The following ANKRD30B variants were observed in gnomAD, a reference collection of about 807,000 sequenced individuals.
The protein encoded by ANKRD30B is ankyrin repeat domain 30B.
In ANKRD30B, 144 loss-of-function variants were observed where a neutral mutation model predicts 202.2. That is an observed-to-expected ratio of 0.71 (90% CI 0.62 to 0.82). ANKRD30B has a LOEUF of 0.82. Among genes scored for constraint, ANKRD30B ranks in the 40% least tolerant of loss-of-function variants. ANKRD30B has a pLI of 0.00. For missense variants in ANKRD30B, 1,487 were observed against 1,669.1 expected (o/e 0.89, Z 1.90); for synonymous variants, 508 against 561.3 (o/e 0.91, Z 1.34).
intron 3 of ANKRD30B, among the ~76,000 whole-genome samples, chr18:14,753,989 T>G (rs1598560689): frequency 6.6e-6 from 1 of 152,254 alleles, no homozygotes; most frequent in East Asian, 1.9e-4. Context: ...TTTAAAGAAG[T>G]AGATATGCAT....
At chr18:14,875,820 C>T in the ANKRD30B span, among the ~76,000 whole-genome samples, 3 of 152,216 alleles carry the variant, frequency 2.0e-5, no homozygotes, top group Middle Eastern at 3.4e-3. Flanking sequence ...CACTATATAG[C>T]GGTGGTACCA....
the ANKRD30B span, among the ~76,000 whole-genome samples, chr18:14,932,633 G>A: frequency 2.6e-5 from 4 of 151,970 alleles, no homozygotes; most frequent in East Asian, 1.9e-4. Flanking sequence ...CCACCGCGCC[G>A]GCCTCCCCTA....
chr18:14,754,282 G>A (rs191672055), intron 3 of ANKRD30B, among the ~76,000 whole-genome samples: 3 of 152,166 alleles, frequency 2.0e-5, no homozygotes, highest in African/African-American at 4.8e-5. Context: ...CATTTTTCTT[G>A]GGAAGCTTTC....
chr18:14,916,587 CAGAG>C, the ANKRD30B span, among the ~76,000 whole-genome samples: 1 of 152,128 alleles, frequency 6.6e-6, no homozygotes, highest in Non-Finnish European at 1.5e-5. Context: ...CAGAAAATGA[CAGAG>C]AGAGTGTATG....
At chr18:14,789,571 G>A (rs899250524) in intron 15 of ANKRD30B, among the ~76,000 whole-genome samples, 2 of 152,128 alleles carry the variant, frequency 1.3e-5, no homozygotes, top group Middle Eastern at 3.2e-3. Flanking sequence ...TTTTGTATAA[G>A]GTGTAAGGAA....
the ANKRD30B span, among the ~76,000 whole-genome samples, chr18:14,913,335 G>A: frequency 6.6e-6 from 1 of 152,120 alleles, no homozygotes; most frequent in Admixed American, 6.6e-5. Flanking sequence ...GTGCACCTAA[G>A]GGCCAGAGAA....
At chr18:14,890,796 A>C in the ANKRD30B span, among the ~76,000 whole-genome samples, 1 of 149,958 alleles carries the variant, frequency 6.7e-6, no homozygotes, top group Non-Finnish European at 1.5e-5. Context: ...TAGTATTTTG[A>C]TACATGAAAA....
At position 14,833,161 on chromosome 18, in the gene ANKRD30B, T is replaced by A. The variant is rs1235950332; in HGVS notation, c.2847+1706T>A. On this transcript the variant is annotated intron_variant, in intron 34 of 43. Transcript: ENST00000690538. ...CATGTTGCCCAGGATGGTGTCGATC[T>A]CTTCACCTCGTGATCTGCCCTCCTA... Among the ~76,000 whole-genome samples, 7 of 152,110 alleles carry A rather than the reference T, an allele frequency of 4.6e-5. No individual in the cohort carries two copies. In the East Asian group the frequency reaches 1.4e-3, roughly 30 times the overall value.
At chr18:14,853,169 G>C (rs1039781584) in intron 42 of ANKRD30B, among the ~76,000 whole-genome samples, 8 of 151,652 alleles carry the variant, frequency 5.3e-5, no homozygotes, top group Admixed American at 4.6e-4. Context: ...CTATTTCAAG[G>C]CTCAAAAACT....
At chr18:14,791,554 G>A in intron 16 of ANKRD30B, 63 bp downstream of exon 16, 1 of 1,307,284 alleles carries the variant, frequency 7.6e-7, no homozygotes, top group Non-Finnish European at 1.1e-6. Context: ...TGATGAGGAA[G>A]GATATCCTCT....
At chr18:14,784,137 T>A (rs886065899) in intron 12 of ANKRD30B, among the ~76,000 whole-genome samples, 199 bp from the exon 13 acceptor site, 1 of 152,166 alleles carries the variant, frequency 6.6e-6, no homozygotes, top group African/African-American at 2.4e-5. Flanking sequence ...GCATGATCTA[T>A]GAAACCTATA....
intron 4 of ANKRD30B, 150 bp from the exon 5 acceptor site, chr18:14,757,665 C>A (rs1171748485): frequency 3.5e-6 from 3 of 851,030 alleles, no homozygotes; most frequent in African/African-American, 1.8e-5. Context: ...TTTGCCCCTT[C>A]CTTTTAGATT....
In ANKRD30B at chr18:14,808,745, G is replaced by C; in HGVS notation, c.2386+1G>C. On this transcript the variant is annotated splice_donor_variant, in intron 26 of 43. Coordinates refer to ENST00000690538, the MANE Select transcript of ANKRD30B (RefSeq NM_001367607.2). LOFTEE classifies it high-confidence loss of function. ...AAGGACAGAGAAACACTCAAAGCAG[G>C]TAAATTTTGTAATTTAAATTTTAAT... 7 of 1,447,478 alleles carry C rather than the reference G, an allele frequency of 4.8e-6. No homozygotes were observed. Among genetic ancestry groups the C allele is most frequent in the Non-Finnish European group, 6.5e-6 (7 of 1,072,516 alleles). 89.7% of individuals were successfully genotyped at this position (1,447,478 alleles called of 1,614,324 possible).
At chr18:14,891,966 G>T in the ANKRD30B span, among the ~76,000 whole-genome samples, 1 of 152,202 alleles carries the variant, frequency 6.6e-6, no homozygotes, top group Non-Finnish European at 1.5e-5. Context: ...GTATCAGTTA[G>T]GTTGGTGCAA....
chr18:14,778,595 A>G (rs1296066777), intron 10 of ANKRD30B, among the ~76,000 whole-genome samples: 1 of 152,202 alleles, frequency 6.6e-6, no homozygotes, highest in African/African-American at 2.4e-5. Context: ...CAAAGGGTTA[A>G]TATAAGCATA....
At chr18:14,808,200 C>T (rs1181641895) in intron 24 of ANKRD30B, among the ~76,000 whole-genome samples, 8 of 149,204 alleles carry the variant, frequency 5.4e-5, no homozygotes, top group South Asian at 2.1e-4. Context: ...TTTTTTTTGG[C>T]GGGGGGTCAT....
the ANKRD30B span, among the ~76,000 whole-genome samples, chr18:14,901,665 C>T: frequency 6.6e-6 from 1 of 151,974 alleles, no homozygotes; most frequent in East Asian, 1.9e-4. Context: ...TACCTGATCC[C>T]TACAGAATTT....
chr18:14,781,371 T>G (rs1568004235), intron 11 of ANKRD30B, among the ~76,000 whole-genome samples: 1 of 136,750 alleles, frequency 7.3e-6, no homozygotes, highest in African/African-American at 2.7e-5. Flanking sequence ...CTCCACTCAC[T>G]GCAAGTTCTG....
At chr18:14,778,687 A>T (rs1302859322) in intron 10 of ANKRD30B, among the ~76,000 whole-genome samples, 1 of 152,224 alleles carries the variant, frequency 6.6e-6, no homozygotes, top group South Asian at 2.1e-4. Flanking sequence ...AAATCAGCTG[A>T]ATACCTTGTC....
Sources: gnomAD v4.1 joint callset for allele counts (sites outside exome capture counted in the v4.1 genomes callset) on GRCh38, gnomAD v4.1.1 for gene constraint, MANE v1.5 for transcripts, NCBI Gene and HGNC (gene_info 2026-07-23, HGNC 2026-07-21) for gene names.